Variants in CDH18 observed in about 807,000 individuals in gnomAD.
CDH18 encodes the protein cadherin 18.
In CDH18, 31 loss-of-function variants were observed where a neutral mutation model predicts 67.9. That is an observed-to-expected ratio of 0.46 (90% confidence interval 0.34 to 0.62). The LOEUF is 0.62. Among genes scored for constraint, CDH18 ranks in the 20% least tolerant of loss-of-function variants. The pLI is 0.01. For missense variants in CDH18, 890 were observed against 975.5 expected (o/e 0.91, Z 1.17); for synonymous variants, 362 against 347.2 (o/e 1.04, Z -0.48).
chr5:19,961,100 A>ATT (rs564003434), intron 2 of CDH18, among the ~76,000 whole-genome samples: 8 of 109,722 alleles, frequency 7.3e-5, no homozygotes, highest in Non-Finnish European at 1.1e-4. Context: ...CTACATTATA[A>ATT]TTTTTTTTTT....
At chr5:20,073,358 C>T (rs1743650041) in intron 2 of CDH18, among the ~76,000 whole-genome samples, 1 of 151,924 alleles carries the variant, frequency 6.6e-6, no homozygotes, top group African/African-American at 2.4e-5. Flanking sequence ...ACTATGCCTA[C>T]CAATAAAGTT....
chr5:20,147,601 T>C (rs1217060676), intron 2 of CDH18, among the ~76,000 whole-genome samples: 1 of 152,166 alleles, frequency 6.6e-6, no homozygotes, highest in East Asian at 1.9e-4. Flanking sequence ...ACAGTGCAAC[T>C]TGTAGATTTT....
intron 5 of CDH18, among the ~76,000 whole-genome samples, chr5:19,717,095 T>C (rs989199368): frequency 6.6e-6 from 1 of 152,074 alleles, no homozygotes; most frequent in East Asian, 1.9e-4. Context: ...TTGACTACTA[T>C]AAACAATTGT....
intron 9 of CDH18, among the ~76,000 whole-genome samples, chr5:19,526,178 T>C (rs1747726051): frequency 6.6e-6 from 1 of 152,266 alleles, no homozygotes; most frequent in South Asian, 2.1e-4. Context: ...CTATGTCAAC[T>C]TTATAATACT....
chr5:20,532,484 T>A (rs1756464700), intron 1 of CDH18, among the ~76,000 whole-genome samples: 1 of 152,078 alleles, frequency 6.6e-6, no homozygotes, highest in Admixed American at 6.6e-5. Context: ...TATATTATAC[T>A]ATTTCGATCA....
At chr5:20,020,312 T>A (rs1738292383) in intron 2 of CDH18, among the ~76,000 whole-genome samples, 1 of 152,214 alleles carries the variant, frequency 6.6e-6, no homozygotes, top group Non-Finnish European at 1.5e-5. Flanking sequence ...GCCCATTTAA[T>A]GGGGAGGAAT....
At position 20,118,957 on chromosome 5, in the gene CDH18, G is replaced by A. The variant is rs780569813; in HGVS notation, c.-517-126943C>T. ...ATTTATTAGGTGAACAAATCAACCCGTACATGAGCTGAAGAGGGATTTAAA... is the reference window on the plus strand; with the variant it reads ...ATTTATTAGGTGAACAAATCAACCCATACATGAGCTGAAGAGGGATTTAAA... On this transcript the variant is annotated intron_variant, in intron 2 of 14. Coordinates refer to the CDH18 transcript ENST00000507958. Among the ~76,000 whole-genome samples the A allele has an allele frequency of 2.5e-4, 38 of 151,974 alleles. No homozygotes were observed. The East Asian group carries it at 3.5e-3, about 14-fold the overall frequency.
At chr5:20,478,564 G>C (rs1752588558) in intron 1 of CDH18, among the ~76,000 whole-genome samples, 1 of 152,154 alleles carries the variant, frequency 6.6e-6, no homozygotes, top group Non-Finnish European at 1.5e-5. Flanking sequence ...TGTCTTACTT[G>C]AGTGCCAGCT....
chr5:19,638,985 T>TG lies in CDH18; in HGVS notation c.644-26385_644-26384insC, dbSNP rs1310793258. Among the ~76,000 whole-genome samples the TG allele has an allele frequency of 7.9e-4, 63 of 79,412 alleles. 1 individual carries two copies. The highest frequency in any genetic ancestry group is 1.1e-3 in the South Asian group (2 of 1,824). 52.1% of individuals were successfully genotyped at this position (79,412 alleles called of 152,430 possible). ...GGAAGTTTTTTGTTGCTGTTTTTTT[T>TG]TTTTTTTTTTTTTTTTTTTGTTTGT... On this transcript the variant is annotated intron_variant, in intron 5 of 12. Coordinates refer to ENST00000382275, the MANE Select transcript of CDH18 (RefSeq NM_004934.5).
chr5:19,887,214 C>T (rs1024109672), intron 2 of CDH18, among the ~76,000 whole-genome samples: 1 of 150,860 alleles, frequency 6.6e-6, no homozygotes, highest in African/African-American at 2.4e-5. Context: ...TTATAATTAG[C>T]TTATACCAAA....
chr5:20,332,479 C>T (rs2150027676), intron 1 of CDH18, among the ~76,000 whole-genome samples: 1 of 152,238 alleles, frequency 6.6e-6, no homozygotes, highest in Admixed American at 6.5e-5. Context: ...TGACAATGGT[C>T]CTATTACTTA....
intron 2 of CDH18, among the ~76,000 whole-genome samples, chr5:19,964,556 G>A (rs573804588): frequency 7.1e-4 from 108 of 151,364 alleles, no homozygotes; most frequent in Non-Finnish European, 1.1e-3. Context: ...TGCTGAAGTG[G>A]GAGGATTTCT....
intron 1 of CDH18, among the ~76,000 whole-genome samples, chr5:20,542,154 C>T (rs1757085198): frequency 6.6e-6 from 1 of 152,112 alleles, no homozygotes; most frequent in Non-Finnish European, 1.5e-5. Flanking sequence ...CCATGTTCAC[C>T]ATCAGAGTTC....
At chr5:20,344,818 T>C (rs1248642518) in intron 1 of CDH18, among the ~76,000 whole-genome samples, 2 of 152,070 alleles carry the variant, frequency 1.3e-5, no homozygotes, top group Non-Finnish European at 1.5e-5. Context: ...TGTGAAGAAA[T>C]TAGAGATCTC....
intron 3 of CDH18, among the ~76,000 whole-genome samples, chr5:19,797,931 A>C (rs1777031577): frequency 6.6e-6 from 1 of 152,088 alleles, no homozygotes; most frequent in South Asian, 2.1e-4. Flanking sequence ...TGCTGGTGAT[A>C]AAGCTACAGT....
At chr5:20,300,217 C>T (rs962455834) in intron 1 of CDH18, among the ~76,000 whole-genome samples, 7 of 151,860 alleles carry the variant, frequency 4.6e-5, no homozygotes, top group African/African-American at 1.5e-4. Flanking sequence ...CTGATTCTCC[C>T]CAATTTTGCT....
intron 1 of CDH18, among the ~76,000 whole-genome samples, chr5:20,389,957 C>G (rs1480569882): frequency 6.6e-6 from 1 of 152,132 alleles, no homozygotes; most frequent in African/African-American, 2.4e-5. Context: ...GAAACTGGAT[C>G]CCTTCCTTAC....
chr5:20,153,053 C>T (rs1386555932), intron 2 of CDH18, among the ~76,000 whole-genome samples: 1 of 150,332 alleles, frequency 6.7e-6, no homozygotes, highest in East Asian at 2.0e-4. Context: ...AGCAATTCTG[C>T]TGCCTCAACC....
intron 1 of CDH18, among the ~76,000 whole-genome samples, chr5:20,256,966 CTATCTA>C (rs149817912): frequency 9.1e-4 from 97 of 106,544 alleles, no homozygotes; most frequent in Non-Finnish European, 1.8e-3. Flanking sequence ...TCTATCTAAT[CTATCTA>C]TATCTATATC....
Sources: allele counts gnomAD v4.1 joint callset (sites outside exome capture counted in the v4.1 genomes callset), GRCh38; gene constraint gnomAD v4.1.1; transcripts MANE v1.5; gene names NCBI Gene and HGNC (gene_info 2026-07-23, HGNC 2026-07-21).